DSG3: variants seen among roughly 807,000 people sequenced by gnomAD.
DSG3 encodes the protein desmoglein 3.
In DSG3, 63 loss-of-function variants were observed where a neutral mutation model predicts 85.9. The observed-to-expected ratio is 0.73, with a 90% CI of 0.60 to 0.90. The LOEUF is 0.90. DSG3 is among the 40% of genes least tolerant of loss of function. The pLI, the probability that DSG3 is intolerant of heterozygous loss-of-function variation, is 0.00. For synonymous variants in DSG3, 447 were observed against 441.9 expected (o/e 1.01, Z -0.14); for missense variants, 1,220 against 1,219.9 (o/e 1.00, Z 0.00).
chr18:31,451,749 A>G (rs1036195686), intron 1 of DSG3, among the ~76,000 whole-genome samples: 1 of 152,214 alleles, frequency 6.6e-6, no homozygotes, highest in Non-Finnish European at 1.5e-5. Flanking sequence ...GGAAAGATGT[A>G]ATTACTTCTA....
chr18:31,458,188 C>G (rs1156657603), intron 3 of DSG3, among the ~76,000 whole-genome samples: 1 of 152,094 alleles, frequency 6.6e-6, no homozygotes, highest in African/African-American at 2.4e-5. Flanking sequence ...CATTTTAACA[C>G]TATCATGTGG....
chr18:31,458,422 G>C, intron 3 of DSG3, 23 bp from the exon 4 acceptor site: 1 of 1,610,004 alleles, frequency 6.2e-7, no homozygotes, highest in Non-Finnish European at 8.5e-7. Context: ...TCACCTCAAC[G>C]TTTTTGGTAT....
chr18:31,471,260 G>A (rs1369137997), intron 12 of DSG3, among the ~76,000 whole-genome samples: 1 of 152,088 alleles, frequency 6.6e-6, no homozygotes, highest in African/African-American at 2.4e-5. Context: ...AAATTCATAT[G>A]TTGAAACTTA....
chr18:31,472,380 C>A lies in DSG3; in HGVS notation c.1994C>A (p.Thr665Lys). 1 of 1,614,064 alleles carries A rather than the reference C, an allele frequency of 6.2e-7. No individual in the cohort carries two copies. Among genetic ancestry groups the A allele is most frequent in the African/African-American group, 1.3e-5 (1 of 75,018 alleles). ...CCAGTTCCTGATGGCTCAGAAGGAA[C>A]AATTCATCAGTGGGGAATTGAAGGA... The part of the protein sequence containing the change: ...FIPVPDGSEG[T>K]IHQWGIEGAH... The change falls in exon 13 of 16, where the codon ACA becomes AAA. Residue 665 changes from threonine to lysine, a missense_variant. Coordinates refer to ENST00000257189, the MANE Select transcript of DSG3 (RefSeq NM_001944.3).
chr18:31,459,610 CTCAGCAAACG>C (rs1394899824), intron 5 of DSG3, among the ~76,000 whole-genome samples: 2 of 152,106 alleles, frequency 1.3e-5, no homozygotes, highest in African/African-American at 4.8e-5. Flanking sequence ...TAGCCTCAAT[CTCAGCAAACG>C]TAAGGCTTAG....
chr18:31,451,597 TCTC>T (rs1416418309), intron 1 of DSG3, among the ~76,000 whole-genome samples: 12 of 152,184 alleles, frequency 7.9e-5, no homozygotes, highest in Non-Finnish European at 1.8e-4. Context: ...TATCTCTTCT[TCTC>T]CTGATTGACC....
Position 31,477,193 on chromosome 18 carries a change from A to G in DSG3, c.*933A>G, listed in dbSNP as rs1032985023. 1 of 152,194 alleles carries G rather than the reference A, an allele frequency of 6.6e-6. No homozygotes were observed. The highest frequency in any genetic ancestry group is 1.5e-5 in the Non-Finnish European group (1 of 68,036). The allele number at this position is 152,194 out of a possible 1,614,324, so 9.4% of individuals were successfully genotyped here. A position where few individuals can be genotyped will look rare whatever the true frequency, so the allele number is the denominator to read the frequency against. ...AATTTTGAAATAGAAATATCATAGA[A>G]CATTTAAGAAAGTTTAGTATAAATA... On this transcript the variant is annotated 3_prime_UTR_variant, in exon 16 of 16. Coordinates refer to ENST00000257189, the MANE Select transcript of DSG3 (RefSeq NM_001944.3).
rs368157862 is a variant in DSG3 at position 31,456,437 on chromosome 18, C to T, written c.49-3C>T. 2 of 1,351,570 alleles carry T rather than the reference C, an allele frequency of 1.5e-6. No individual in the cohort carries two copies. The highest frequency in any genetic ancestry group is 5.2e-5 in the South Asian group (2 of 38,614). The allele number at this position is 1,351,570 out of a possible 1,614,324, so 83.7% of individuals were successfully genotyped here. A position where few individuals can be genotyped will look rare whatever the true frequency, so the allele number is the denominator to read the frequency against. On this transcript the variant is annotated splice_region_variant and splice_polypyrimidine_tract_variant and intron_variant, in intron 1 of 15. Coordinates refer to ENST00000257189, the MANE Select transcript of DSG3 (RefSeq NM_001944.3). ...TAATTCGACTTTATTTAAATGTCTGCAGGTGGTCATATTGGTTCATGGAGA... is the reference window on the plus strand; with the variant it reads ...TAATTCGACTTTATTTAAATGTCTGTAGGTGGTCATATTGGTTCATGGAGA...
In DSG3 at chr18:31,475,655, G is replaced by T. The variant is rs138770793; in HGVS notation, c.2395G>T (p.Ala799Ser). 9 of 1,613,556 alleles carry T rather than the reference G, an allele frequency of 5.6e-6. No individual in the cohort carries two copies. In the African/African-American group the frequency reaches 1.1e-4, roughly 19 times the overall value. Residue 799 changes from alanine to serine, a missense_variant, in exon 16 of 16, where the codon GCC (alanine) becomes TCC (serine). Coordinates refer to ENST00000257189, the MANE Select transcript of DSG3 (RefSeq NM_001944.3). ...LDSYFSQKAF[A>S]CAEEDDGQEA... ...TTTTTCTCTGTCTTAGAAAGCATTT[G>T]CCTGTGCGGAGGAAGACGATGGCCA...
intron 1 of DSG3, among the ~76,000 whole-genome samples, chr18:31,451,249 T>G (rs891108576): frequency 2.0e-5 from 3 of 152,190 alleles, no homozygotes; most frequent in Admixed American, 6.5e-5. Flanking sequence ...GTCCACCAAA[T>G]CCGAAACAGT....
intron 1 of DSG3, among the ~76,000 whole-genome samples, chr18:31,448,706 A>G (rs1455895598): frequency 1.3e-5 from 2 of 152,028 alleles, no homozygotes; most frequent in Non-Finnish European, 2.9e-5. Context: ...GGAGATATCA[A>G]AATAGTTAAA....
At chr18:31,463,113 A>T (rs1158172180) in intron 8 of DSG3, among the ~76,000 whole-genome samples, 1 of 152,196 alleles carries the variant, frequency 6.6e-6, no homozygotes, top group Non-Finnish European at 1.5e-5. Flanking sequence ...TCAGCCTGCA[A>T]CTGCTTTCAC....
intron 8 of DSG3, among the ~76,000 whole-genome samples, chr18:31,462,571 G>A (rs1401754919): frequency 6.6e-6 from 1 of 152,138 alleles, no homozygotes; most frequent in African/African-American, 2.4e-5. Flanking sequence ...CAATGCCTGG[G>A]AGTGAGCTAT....
rs2072895454 is a variant in DSG3, at chr18:31,477,348, A to G, written c.*1088A>G. ...GAAAATAGCTCATTTTTTAAATGTC[A>G]GTGAGTAGATGTAGCATACATATGA... On this transcript the variant is annotated 3_prime_UTR_variant, in exon 16 of 16. Coordinates refer to ENST00000257189, the MANE Select transcript of DSG3 (RefSeq NM_001944.3). 6.6e-6 allele frequency: 1 copy of G among 152,212 alleles called. No homozygotes were observed. Among genetic ancestry groups the G allele is most frequent in the Non-Finnish European group, 1.5e-5 (1 of 68,038 alleles). 9.4% of individuals were successfully genotyped at this position (152,212 alleles called of 1,614,324 possible).
chr18:31,447,928 A>C lies in DSG3; in HGVS notation c.48+3A>C. ...CAGGGGCTCTGGCCATCTTCGTGGT[A>C]AGTCCTGGATTTTCCTAATAATCAC... On this transcript the variant is annotated splice_donor_region_variant and intron_variant, in intron 1 of 15. Transcript: ENST00000257189. 1 of 1,580,928 alleles carries C rather than the reference A, an allele frequency of 6.3e-7. No homozygotes were observed. The highest frequency in any genetic ancestry group is 8.6e-7 in the Non-Finnish European group (1 of 1,165,562).
chr18:31,467,419 T>A (rs1466793416), intron 11 of DSG3, among the ~76,000 whole-genome samples: 2 of 152,186 alleles, frequency 1.3e-5, no homozygotes, highest in African/African-American at 2.4e-5. Flanking sequence ...CTTGTTCTGA[T>A]GGAGCAGTCT....
chr18:31,469,444 T>G, intron 12 of DSG3, 95 bp downstream of exon 12: 1 of 1,499,306 alleles, frequency 6.7e-7, no homozygotes, highest in Non-Finnish European at 8.9e-7. Flanking sequence ...GGGGAAAGAA[T>G]ATTCTCTGAT....
intron 11 of DSG3, among the ~76,000 whole-genome samples, chr18:31,467,313 C>G (rs1011849430): frequency 6.6e-6 from 1 of 152,042 alleles, no homozygotes; most frequent in Non-Finnish European, 1.5e-5. Flanking sequence ...TGCACTCCAG[C>G]CTGGGCAACA....
At chr18:31,448,500 A>C (rs938269048) in intron 1 of DSG3, among the ~76,000 whole-genome samples, 1 of 152,220 alleles carries the variant, frequency 6.6e-6, no homozygotes, top group Non-Finnish European at 1.5e-5. Flanking sequence ...GGGGAAAGAC[A>C]TACAACATTT....
Sources: gnomAD v4.1 joint callset for allele counts (sites outside exome capture counted in the v4.1 genomes callset) on GRCh38, gnomAD v4.1.1 for gene constraint, MANE v1.5 for transcripts, NCBI Gene and HGNC (gene_info 2026-07-23, HGNC 2026-07-21) for gene names.